The following RAB22A variants were observed in gnomAD, a reference collection of about 807,000 sequenced individuals.
The protein encoded by RAB22A is RAB22A, member RAS oncogene family, also known as ras-related protein Rab-22A.
A neutral mutation model predicts 30.2 loss-of-function variants in RAB22A; 13 were observed. The ratio of observed to expected loss-of-function variants is 0.43; its 90% CI spans 0.28 to 0.68. RAB22A has a LOEUF of 0.68. Among genes scored for constraint, RAB22A ranks in the 30% least tolerant of loss-of-function variants. The probability of loss-of-function intolerance (pLI) is 0.18; values close to 1 mark genes in which losing one functional copy is unlikely to be tolerated. For synonymous variants in RAB22A, 89 were observed against 87.2 expected (o/e 1.02, Z -0.11); for missense variants, 177 against 246.8 (o/e 0.72, Z 1.89).
chr20:58,330,338 C>T (rs1375372228), intron 2 of RAB22A, among the ~76,000 whole-genome samples: 1 of 152,174 alleles, frequency 6.6e-6, no homozygotes, highest in Admixed American at 6.5e-5. Flanking sequence ...CCCATCTGCT[C>T]ACTCAATATG....
chr20:58,347,995 G>A (rs2122963216), intron 3 of RAB22A, among the ~76,000 whole-genome samples: 1 of 152,360 alleles, frequency 6.6e-6, no homozygotes, highest in South Asian at 2.1e-4. Context: ...GGGAGGCCAA[G>A]GCAGGCGGAT....
intron 2 of RAB22A, among the ~76,000 whole-genome samples, chr20:58,336,761 C>T (rs542776527): frequency 2.0e-5 from 3 of 152,194 alleles, no homozygotes; most frequent in African/African-American, 7.2e-5. Flanking sequence ...AATGGGGTGG[C>T]GGAGCTCTGG....
chr20:58,329,946 G>C (rs1273266769), intron 2 of RAB22A, among the ~76,000 whole-genome samples: 1 of 152,130 alleles, frequency 6.6e-6, no homozygotes, highest in Non-Finnish European at 1.5e-5. Context: ...GAAAGTATCT[G>C]GGGGGGAAGA....
At position 58,312,279 on chromosome 20, in the gene RAB22A, C is replaced by CT. The variant is rs200841573; in HGVS notation, c.116+1174dup. On this transcript the variant is annotated intron_variant, in intron 2 of 6. Transcript: ENST00000244040. ...CTATGTGTTCAATATTTTTTGTCTGCTTTTTTTTTTTTTTTTTCACCCAGG... is the reference window on the plus strand; with the variant it reads ...CTATGTGTTCAATATTTTTTGTCTGCTTTTTTTTTTTTTTTTTTCACCCAGG... 9.4e-3 allele frequency among the ~76,000 whole-genome samples: 1,269 copies of CT among 134,292 alleles called. 14 individuals carry two copies. Among genetic ancestry groups the CT allele is most frequent in the African/African-American group, 0.029 (1,072 of 36,684 alleles). The allele number at this position is 134,292 out of a possible 152,430, so 88.1% of individuals were successfully genotyped here.
At chr20:58,320,410 C>T (rs1986429962) in intron 2 of RAB22A, among the ~76,000 whole-genome samples, 1 of 151,906 alleles carries the variant, frequency 6.6e-6, no homozygotes, top group Non-Finnish European at 1.5e-5. Context: ...CACTTCTTAT[C>T]CTTTTAATGT....
intron 2 of RAB22A, among the ~76,000 whole-genome samples, chr20:58,325,303 C>T (rs1483147270): frequency 6.6e-6 from 1 of 152,028 alleles, no homozygotes; most frequent in Non-Finnish European, 1.5e-5. Context: ...ATGGTGAAAC[C>T]CCGTCTCTAC....
At chr20:58,350,136 A>G (rs955310410) in intron 3 of RAB22A, among the ~76,000 whole-genome samples, 7 of 152,202 alleles carry the variant, frequency 4.6e-5, no homozygotes, top group African/African-American at 1.7e-4. Context: ...CTTAACTGCA[A>G]ATGGGGAATC....
At chr20:58,355,364 GT>G (rs981863544) in intron 6 of RAB22A, among the ~76,000 whole-genome samples, 3 of 152,238 alleles carry the variant, frequency 2.0e-5, no homozygotes, top group Non-Finnish European at 4.4e-5. Context: ...TGCTGAGGTT[GT>G]TTTCACATTT....
intron 2 of RAB22A, among the ~76,000 whole-genome samples, chr20:58,327,371 A>G (rs567114941): frequency 6.6e-6 from 1 of 152,312 alleles, no homozygotes; most frequent in East Asian, 1.9e-4. Context: ...TGGTGTTGCA[A>G]TCAAGATGTC....
At chr20:58,310,150 G>GC (rs1600719744) in intron 1 of RAB22A, 138 bp downstream of exon 1, 1 of 890,896 alleles carries the variant, frequency 1.1e-6, no homozygotes, top group East Asian at 3.4e-5. Flanking sequence ...CCTCCCTCCA[G>GC]CTCGGGAGCC....
intron 2 of RAB22A, among the ~76,000 whole-genome samples, chr20:58,315,091 G>A (rs1600722380): frequency 6.6e-6 from 1 of 152,050 alleles, no homozygotes; most frequent in African/African-American, 2.4e-5. Context: ...CCTGGAGTCC[G>A]GAGGAGGAGC....
At chr20:58,338,899 T>G (rs552784696) in intron 2 of RAB22A, among the ~76,000 whole-genome samples, 10 of 152,320 alleles carry the variant, frequency 6.6e-5, no homozygotes, top group African/African-American at 2.2e-4. Flanking sequence ...GTGAGAATCC[T>G]TTGTTAATTG....
intron 3 of RAB22A, among the ~76,000 whole-genome samples, chr20:58,351,102 G>A (rs1040748885): frequency 9.9e-5 from 15 of 152,200 alleles, no homozygotes; most frequent in Middle Eastern, 6.8e-3. Context: ...CACTTTGAAA[G>A]GCCACGACAG....
chr20:58,311,921 C>T (rs1038260617), intron 2 of RAB22A, among the ~76,000 whole-genome samples: 2 of 152,114 alleles, frequency 1.3e-5, no homozygotes, highest in Non-Finnish European at 2.9e-5. Context: ...ATAAGATTGT[C>T]CCCTGAGAAA....
At chr20:58,325,286 G>A (rs1471488542) in intron 2 of RAB22A, among the ~76,000 whole-genome samples, 5 of 151,802 alleles carry the variant, frequency 3.3e-5, no homozygotes, top group Non-Finnish European at 7.4e-5. Flanking sequence ...AGGCCATCCT[G>A]GCCAACATGG....
chr20:58,321,414 A>G (rs370797126), intron 2 of RAB22A, among the ~76,000 whole-genome samples: 2 of 152,078 alleles, frequency 1.3e-5, no homozygotes, highest in African/African-American at 4.8e-5. Flanking sequence ...TATTATTTCA[A>G]ACCTTTTATA....
chr20:58,346,070 CCTTCTCCACCCAGGTGTCCTGACAG>C (rs1247240068), intron 3 of RAB22A: 2 of 152,304 alleles, frequency 1.3e-5, no homozygotes, highest in African/African-American at 4.8e-5. Flanking sequence ...GTGCTGGACA[CCTTCTCCACCCAGGTGTCCTGACAG>C]CTTCATTCTC....
Position 58,354,192 on chromosome 20 carries a change from C to T in RAB22A, c.414C>T (p.Asp138=), listed in dbSNP as rs1987098279. Residue 138 remains aspartate (D), a synonymous_variant, in exon 6 of 7, where the codon GAC becomes GAT. Coordinates refer to ENST00000244040, the MANE Select transcript of RAB22A (RefSeq NM_020673.3). The stretch of plus-strand genomic sequence containing the variant: ...AGAGAGATGCAAAGGACTACGCCGA[C>T]TCTATTCATGCAATTTTTGTAGAGA... ...VMERDAKDYA[D]SIHAIFVETS... The T allele has an allele frequency of 1.2e-6, 2 of 1,613,822 alleles. No homozygotes were observed. Among genetic ancestry groups the T allele is most frequent in the Non-Finnish European group, 1.7e-6 (2 of 1,179,786 alleles).
At chr20:58,326,374 G>T (rs776353878) in intron 2 of RAB22A, among the ~76,000 whole-genome samples, 1 of 152,086 alleles carries the variant, frequency 6.6e-6, no homozygotes, top group Non-Finnish European at 1.5e-5. Flanking sequence ...CCCTATTCTT[G>T]AATTTTACAT....
Sources: allele counts gnomAD v4.1 joint callset (sites outside exome capture counted in the v4.1 genomes callset), GRCh38; gene constraint gnomAD v4.1.1; transcripts MANE v1.5; gene names NCBI Gene and HGNC (gene_info 2026-07-23, HGNC 2026-07-21).